Variants in CTC1 observed in about 807,000 individuals in gnomAD.
The protein encoded by CTC1 is CST complex subunit CTC1.
CTC1 carries 91 observed loss-of-function variants against 136.3 expected under a neutral mutation model. The ratio of observed to expected loss-of-function variants is 0.67; its 90% CI spans 0.56 to 0.79. The LOEUF (loss-of-function observed/expected upper bound fraction) is 0.79. Ranked by LOEUF, CTC1 falls within the 30% of genes least tolerant of loss-of-function variation. CTC1 has a pLI of 0.00. For synonymous variants in CTC1, 606 were observed against 613.8 expected, an observed-to-expected ratio of 0.99 and a Z score of 0.19; for missense variants, 1,432 against 1,498.1, an observed-to-expected ratio of 0.96 and a Z score of 0.73.
chr17:8,238,159 G>C lies in CTC1; in HGVS notation c.519C>G (p.Ser173=). ...ACAGCTCCAAGTGCCCTTCCCCTGAGGAATTCCACCTGGCAGGAGGGAGGT... is the reference window on the plus strand; with the variant it reads ...ACAGCTCCAAGTGCCCTTCCCCTGACGAATTCCACCTGGCAGGAGGGAGGT... The part of the protein sequence containing the change: ...WSYLPPARWN[S]SGEGHLELWD... The change falls in exon 4 of 23, where the codon TCC becomes TCG. Residue 173 remains serine, a synonymous_variant. Transcript: ENST00000651323. 6.2e-7 allele frequency: 1 copy of C among 1,614,084 alleles called. No homozygotes were observed. Among genetic ancestry groups the C allele is most frequent in the Non-Finnish European group, 8.5e-7 (1 of 1,179,960 alleles).
Position 8,238,403 on chromosome 17 carries a change from G to A in CTC1, c.424C>T (p.Leu142=), listed in dbSNP as rs750704840. The change falls in exon 3 of 23, where the codon CTG becomes TTG. Residue 142 remains leucine, a synonymous_variant. Coordinates refer to ENST00000651323, the MANE Select transcript of CTC1 (RefSeq NM_025099.6). ...SLYVRDNTGV[L]SCELIDLDLS... is the part of the protein sequence containing the mutation. ...CACCTTCCACTCACCTCACAGCTCA[G>A]GACGCCAGTGTTATCTCTCACATAG... The A allele has an allele frequency of 6.2e-7, 1 of 1,613,804 alleles. No individual in the cohort carries two copies. Among genetic ancestry groups the A allele is most frequent in the East Asian group, 2.2e-5 (1 of 44,878 alleles).
intron 2 of CTC1, among the ~76,000 whole-genome samples, chr17:8,241,010 C>T (rs539438309): frequency 1.8e-4 from 27 of 151,988 alleles, no homozygotes; most frequent in African/African-American, 5.1e-4. Flanking sequence ...CACTATGGGC[C>T]GGGCGCGGTG....
At chr17:8,233,313 T>C (rs751364906) in intron 10 of CTC1, 13 of 350,528 alleles carry the variant, frequency 3.7e-5, no homozygotes, top group Middle Eastern at 8.9e-4. Flanking sequence ...TTTTACTTTA[T>C]ATGCACTGGG....
In CTC1 at chr17:8,247,591, G is replaced by GA. The variant is rs572210547; in HGVS notation, c.33+412dup. On this transcript the variant is annotated intron_variant, in intron 1 of 22. Coordinates refer to ENST00000651323, the MANE Select transcript of CTC1 (RefSeq NM_025099.6). ...TCCCACAGTGCTGGATTACAAGCGTGAGCCACCACACCCAGCCCCTTTCGG... is the reference window on the plus strand; with the variant it reads ...TCCCACAGTGCTGGATTACAAGCGTGAAGCCACCACACCCAGCCCCTTTCGG... The GA allele has an allele frequency of 1.0e-3, 172 of 169,686 alleles. 1 individual carries two copies. In the South Asian group the frequency reaches 0.012, roughly 12 times the overall value. 10.5% of individuals were successfully genotyped at this position (169,686 alleles called of 1,614,324 possible). A position where few individuals can be genotyped will look rare whatever the true frequency, so the allele number is the denominator to read the frequency against.
intron 2 of CTC1, 109 bp from the exon 3 acceptor site, chr17:8,238,738 T>C (rs1987965510): frequency 1.3e-6 from 1 of 773,016 alleles, no homozygotes; most frequent in African/African-American, 1.7e-5. Context: ...GCAGGGAACA[T>C]GGACTAAGAG....
At chr17:8,235,413 G>A (rs1214504140) in intron 7 of CTC1, 128 bp from the exon 8 acceptor site, 3 of 692,590 alleles carry the variant, frequency 4.3e-6, no homozygotes, top group Non-Finnish European at 7.3e-6. Context: ...TCCCACGTGG[G>A]CTGGCCTCAC....
chr17:8,233,861 T>C (rs1567606396), intron 10 of CTC1, among the ~76,000 whole-genome samples: 2 of 152,010 alleles, frequency 1.3e-5, no homozygotes, highest in Non-Finnish European at 2.9e-5. Context: ...CACTGGAACC[T>C]GGGAGGTCGA....
intron 2 of CTC1, among the ~76,000 whole-genome samples, chr17:8,240,513 G>GA (rs949413664): frequency 4.7e-5 from 7 of 149,916 alleles, no homozygotes; most frequent in Admixed American, 1.3e-4. Flanking sequence ...GAAAAGAAAG[G>GA]AAAAACAGTC....
In CTC1 at chr17:8,229,209, G is replaced by A. The variant is rs1010558106; in HGVS notation, c.3157-3C>T. The A allele has an allele frequency of 3.1e-6, 5 of 1,614,058 alleles. No homozygotes were observed. The Admixed American group carries it at 8.3e-5, about 27-fold the overall frequency. ...GAGCCCAGGCGAGTGCACTTTCCCT[G>A]GGATGAAGACAGTGGTTGGAAAAGT... On this transcript the variant is annotated splice_polypyrimidine_tract_variant and splice_region_variant and intron_variant, in intron 19 of 22. Coordinates refer to ENST00000651323, the MANE Select transcript of CTC1 (RefSeq NM_025099.6).
At chr17:8,230,529 T>C in intron 16 of CTC1, 34 bp downstream of exon 16, 1 of 1,613,918 alleles carries the variant, frequency 6.2e-7, no homozygotes, top group Non-Finnish European at 8.5e-7. Context: ...CATCACTCTA[T>C]TTCATACCTT....
chr17:8,247,305 CTTTT>C lies in CTC1; in HGVS notation c.33+695_33+698del, dbSNP rs772948223. Among the ~76,000 whole-genome samples the C allele has an allele frequency of 6.1e-4, 56 of 91,256 alleles. 1 individual carries two copies. The highest frequency in any genetic ancestry group is 2.0e-3 in the African/African-American group (42 of 21,016). 59.9% of individuals were successfully genotyped at this position (91,256 alleles called of 152,430 possible). A position where few individuals can be genotyped will look rare whatever the true frequency, so the allele number is the denominator to read the frequency against. The stretch of plus-strand genomic sequence containing the variant: ...TTCCGTCCTGAAACCCCTTCCGGCG[CTTTT>C]TTTTTTTTTTTTTTTTTTTTGACAG... On this transcript the variant is annotated intron_variant, in intron 1 of 22. Transcript: ENST00000651323.
chr17:8,247,698 A>G (rs915145981), intron 1 of CTC1: 2 of 364,052 alleles, frequency 5.5e-6, no homozygotes, highest in African/African-American at 4.2e-5. Flanking sequence ...AGCTCCGTCA[A>G]GGGTCTTCTC....
chr17:8,234,742 C>A lies in CTC1; in HGVS notation c.1617+7G>T. On this transcript the variant is annotated splice_region_variant and intron_variant, in intron 9 of 22. Coordinates refer to ENST00000651323, the MANE Select transcript of CTC1 (RefSeq NM_025099.6). ...TCTGCCACCATCCTTCCCCCACATC[C>A]TCATACTTTCTGGAGGGGACAGTGA... is the stretch of plus-strand genomic sequence containing the variant. The A allele has an allele frequency of 6.3e-7, 1 of 1,585,824 alleles. No individual in the cohort carries two copies. Among genetic ancestry groups the A allele is most frequent in the South Asian group, 1.2e-5 (1 of 86,808 alleles).
intron 18 of CTC1, among the ~76,000 whole-genome samples, chr17:8,229,683 C>T (rs1987044817): frequency 6.6e-6 from 1 of 152,236 alleles, no homozygotes; most frequent in Middle Eastern, 3.4e-3. Flanking sequence ...GACTGAAAAG[C>T]CTTCAAAAGC....
chr17:8,242,979 C>T lies in CTC1; in HGVS notation c.197+6G>A. ...CCCAGCCCCCGCAACCGCCACCTCTCCTTACCTATAGCTGAGGGGCAGTGT... is the reference window on the plus strand; with the variant it reads ...CCCAGCCCCCGCAACCGCCACCTCTTCTTACCTATAGCTGAGGGGCAGTGT... On this transcript the variant is annotated splice_donor_region_variant and intron_variant, in intron 2 of 22. Coordinates refer to ENST00000651323, the MANE Select transcript of CTC1 (RefSeq NM_025099.6). 6.2e-7 allele frequency: 1 copy of T among 1,608,920 alleles called. No homozygotes were observed.
chr17:8,242,579 T>TATATATAC (rs1248128493), intron 2 of CTC1, among the ~76,000 whole-genome samples: 1 of 127,946 alleles, frequency 7.8e-6, no homozygotes, highest in African/African-American at 2.8e-5. Flanking sequence ...TATATATATA[T>TATATATAC]ACACATATAT....
intron 15 of CTC1, 134 bp downstream of exon 15, chr17:8,231,142 A>C: frequency 1.3e-6 from 1 of 783,920 alleles, no homozygotes; most frequent in Non-Finnish European, 2.0e-6. Context: ...CTCCGTCTCA[A>C]AAAAAAACAA....
chr17:8,235,223 G>C lies in CTC1; in HGVS notation c.1269C>G (p.Pro423=). Residue 423 remains proline (P), a synonymous_variant, in exon 8 of 23, where the codon CCC becomes CCG. Transcript: ENST00000651323. ...GAAGCAGAACGGCGCCACGGAGGCA[G>C]GGGGCGAGCACTGGCCTTCTTGTCC... is the stretch of plus-strand genomic sequence containing the variant. ...GGGTRRPVLA[P]CLRGAVLLQS... is the part of the protein sequence containing the mutation. 7 of 1,614,108 alleles carry C rather than the reference G, an allele frequency of 4.3e-6. No homozygotes were observed. Among genetic ancestry groups the C allele is most frequent in the Non-Finnish European group, 5.9e-6 (7 of 1,180,010 alleles).
intron 5 of CTC1, among the ~76,000 whole-genome samples, chr17:8,236,780 AT>A (rs1987765553): frequency 6.6e-6 from 1 of 152,222 alleles, no homozygotes. Context: ...TAAAATTTCT[AT>A]AAAAAGGAAA....
Sources: gnomAD v4.1 joint callset for allele counts (sites outside exome capture counted in the v4.1 genomes callset) on GRCh38, gnomAD v4.1.1 for gene constraint, MANE v1.5 for transcripts, NCBI Gene and HGNC (gene_info 2026-07-23, HGNC 2026-07-21) for gene names.